FBXW11: variants seen among roughly 807,000 people sequenced by gnomAD.
The protein encoded by FBXW11 is F-box/WD repeat-containing protein 11.
FBXW11 carries 19 observed loss-of-function variants against 77.6 expected under a neutral mutation model. The observed-to-expected ratio is 0.24, with a 90% CI of 0.17 to 0.36. FBXW11 has a LOEUF of 0.36. FBXW11 is among the 10% of genes least tolerant of loss of function. The probability of loss-of-function intolerance (pLI) is 1.00; values close to 1 mark genes in which losing one functional copy is unlikely to be tolerated. For missense variants in FBXW11, 334 were observed against 704.2 expected (o/e 0.47, Z 5.95); for synonymous variants, 235 against 249.4 (o/e 0.94, Z 0.54).
chr5:171,955,804 A>T (rs1763577551), intron 2 of FBXW11, among the ~76,000 whole-genome samples: 1 of 151,290 alleles, frequency 6.6e-6, no homozygotes, highest in South Asian at 2.1e-4. Context: ...CTGAAATAAG[A>T]CCCAATCAAG....
Position 171,985,809 on chromosome 5 carries a change from T to C in FBXW11, c.45+20649A>G, listed in dbSNP as rs564592938. ...TATGATTTTAAAACTTAGCCAGACA[T>C]GGTGGCATGCACCAGCAGTCCCAAC... On this transcript the variant is annotated intron_variant, in intron 1 of 13. Coordinates refer to ENST00000517395, the MANE Select transcript of FBXW11 (RefSeq NM_001378974.1). 3.3e-5 allele frequency among the ~76,000 whole-genome samples: 5 copies of C among 152,178 alleles called. No homozygotes were observed. In the South Asian group the frequency reaches 8.3e-4, roughly 25 times the overall value.
At chr5:171,923,988 C>T (rs573337692) in intron 2 of FBXW11, among the ~76,000 whole-genome samples, 57 of 125,916 alleles carry the variant, frequency 4.5e-4, no homozygotes, top group African/African-American at 1.4e-3. Flanking sequence ...TGCTGTGGCA[C>T]GATCTCAGCT....
Position 171,898,988 on chromosome 5 carries a change from T to G in FBXW11, c.714+16A>C. 3 of 1,505,220 alleles carry G rather than the reference T, an allele frequency of 2.0e-6. No individual in the cohort carries two copies. The highest frequency in any genetic ancestry group is 2.7e-6 in the Non-Finnish European group (3 of 1,106,384). The allele number at this position is 1,505,220 out of a possible 1,614,324, so 93.2% of individuals were successfully genotyped here. On this transcript the variant is annotated intron_variant, in intron 6 of 13. Transcript: ENST00000517395. ...AGAAACAAAGAGCCCATAAAACAGA[T>G]AAATCATAAAGTTACCTCTATATCC...
chr5:171,979,880 C>T (rs1349655911), intron 1 of FBXW11, among the ~76,000 whole-genome samples: 1 of 152,200 alleles, frequency 6.6e-6, no homozygotes, highest in Non-Finnish European at 1.5e-5. Flanking sequence ...ACCCTACTGC[C>T]GTGTCCAGTT....
In FBXW11 at chr5:171,881,409, T is replaced by A. The variant is rs2113800180; in HGVS notation, c.853-3280A>T. On this transcript the variant is annotated intron_variant, in intron 7 of 13. Transcript: ENST00000517395. Reference sequence around the variant, plus strand: ...CCTCTATTCATAGTTTACTAAGGGTTTTTATCACGAAAGAGTGTTCAATTT... The same window carrying A: ...CCTCTATTCATAGTTTACTAAGGGTATTTATCACGAAAGAGTGTTCAATTT... 2.0e-5 allele frequency among the ~76,000 whole-genome samples: 3 copies of A among 152,338 alleles called. No homozygotes were observed. In the South Asian group the frequency reaches 6.2e-4, roughly 32 times the overall value.
At chr5:171,941,378 A>T (rs1762745141) in intron 2 of FBXW11, among the ~76,000 whole-genome samples, 1 of 151,964 alleles carries the variant, frequency 6.6e-6, no homozygotes, top group South Asian at 2.1e-4. Context: ...TCCCGCAAAG[A>T]CCAAATAACT....
chr5:171,967,839 C>CAA lies in FBXW11; in HGVS notation c.46-10143_46-10142dup, dbSNP rs1264192715. ...GGGCAACAAGAGCGAGACTCTGTCT[C>CAA]AAAAAAAAAAAAATGCATATATATA... On this transcript the variant is annotated intron_variant, in intron 1 of 13. Transcript: ENST00000517395. 3.3e-3 allele frequency among the ~76,000 whole-genome samples: 331 copies of CAA among 99,012 alleles called. 4 individuals are homozygous for CAA. Among genetic ancestry groups the CAA allele is most frequent in the African/African-American group, 0.014 (317 of 22,214 alleles). The allele number at this position is 99,012 out of a possible 152,430, so 65.0% of individuals were successfully genotyped here.
intron 1 of FBXW11, among the ~76,000 whole-genome samples, chr5:172,001,131 C>T (rs994783295): frequency 3.3e-5 from 5 of 152,160 alleles, no homozygotes; most frequent in Admixed American, 1.3e-4. Flanking sequence ...TTCATCTCTA[C>T]CTTTGTCTTA....
rs1280479255 is a variant in FBXW11, at chr5:171,869,005, T to C, written c.1531-209A>G. On this transcript the variant is annotated intron_variant, in intron 12 of 13. Coordinates refer to ENST00000517395, the MANE Select transcript of FBXW11 (RefSeq NM_001378974.1). The surrounding 1 kb of genome is among the most constrained non-coding windows in gnomAD (Gnocchi z 4.1). ...GCCTTTTCTTTCATTAAACTTTGTA[T>C]CTTAGACTCTAGTCTACCAATATTT... is the stretch of plus-strand genomic sequence containing the variant. 2.0e-5 allele frequency among the ~76,000 whole-genome samples: 3 copies of C among 152,192 alleles called. No homozygotes were observed. The South Asian group carries it at 6.2e-4, about 32-fold the overall frequency.
At position 171,910,559 on chromosome 5, in the gene FBXW11, C is replaced by G. The variant is rs1158527038; in HGVS notation, c.436+13G>C. On this transcript the variant is annotated intron_variant, in intron 4 of 13. Transcript: ENST00000517395. Reference sequence around the variant, plus strand: ...TTCAACTGCTCAGCTTTTGAAAAGACAAGTACAGTTACCTGGTAAAGCGGT... The same window carrying G: ...TTCAACTGCTCAGCTTTTGAAAAGAGAAGTACAGTTACCTGGTAAAGCGGT... 6.2e-7 allele frequency: 1 copy of G among 1,602,246 alleles called. No individual in the cohort carries two copies. Among genetic ancestry groups the G allele is most frequent in the Admixed American group, 1.7e-5 (1 of 58,942 alleles).
At chr5:171,948,764 T>C (rs916329415) in intron 2 of FBXW11, among the ~76,000 whole-genome samples, 1 of 152,220 alleles carries the variant, frequency 6.6e-6, no homozygotes, top group African/African-American at 2.4e-5. Flanking sequence ...TTTAATGTGT[T>C]CTGAATTCCA....
At chr5:171,880,858 G>A (rs1259641932) in intron 7 of FBXW11, among the ~76,000 whole-genome samples, 1 of 152,100 alleles carries the variant, frequency 6.6e-6, no homozygotes, top group Non-Finnish European at 1.5e-5. Flanking sequence ...ACCACACCCG[G>A]CTAATTTTTG....
intron 2 of FBXW11, among the ~76,000 whole-genome samples, chr5:171,944,305 T>C (rs1208101299): frequency 6.6e-6 from 1 of 151,808 alleles, no homozygotes; most frequent in Non-Finnish European, 1.5e-5. Flanking sequence ...GGCCGGGCGC[T>C]GTGGCTCACA....
intron 2 of FBXW11, among the ~76,000 whole-genome samples, chr5:171,954,303 G>T (rs1195517864): frequency 6.6e-6 from 1 of 152,160 alleles, no homozygotes; most frequent in East Asian, 1.9e-4. Flanking sequence ...ACCCAGTTCT[G>T]CCACTTAAAT....
At chr5:171,865,440 G>A (rs1261700381) in intron 13 of FBXW11, among the ~76,000 whole-genome samples, 1 of 152,130 alleles carries the variant, frequency 6.6e-6, no homozygotes, top group Non-Finnish European at 1.5e-5. Context: ...CTGGGGGTTG[G>A]GGAGGATAAA....
At chr5:171,973,491 T>C (rs1764648242) in intron 1 of FBXW11, among the ~76,000 whole-genome samples, 1 of 152,098 alleles carries the variant, frequency 6.6e-6, no homozygotes, top group Admixed American at 6.6e-5. Context: ...ACCTGAGTGG[T>C]ACTCCTCAAA....
intron 7 of FBXW11, among the ~76,000 whole-genome samples, chr5:171,891,185 A>C (rs1759321581): frequency 6.6e-6 from 1 of 152,180 alleles, no homozygotes; most frequent in Non-Finnish European, 1.5e-5. Flanking sequence ...CTGGCAAAGT[A>C]ATCAAGAGCC....
chr5:171,886,169 A>G (rs576457169), intron 7 of FBXW11, among the ~76,000 whole-genome samples: 2 of 152,362 alleles, frequency 1.3e-5, no homozygotes, highest in South Asian at 4.1e-4. Context: ...TATTCACAAT[A>G]GCAAAGACTT....
At chr5:171,957,426 G>A (rs1364673114) in intron 2 of FBXW11, among the ~76,000 whole-genome samples, 171 bp downstream of exon 2, 1 of 152,188 alleles carries the variant, frequency 6.6e-6, no homozygotes. Flanking sequence ...GCTCAAAAGG[G>A]CCCCTCTTGG....
Sources: allele counts gnomAD v4.1 joint callset (sites outside exome capture counted in the v4.1 genomes callset), GRCh38; gene constraint gnomAD v4.1.1; non-coding constraint Gnocchi (gnomAD v3.1); transcripts MANE v1.5; gene names NCBI Gene and HGNC (gene_info 2026-07-23, HGNC 2026-07-21).